BBS9: variants seen among roughly 807,000 people sequenced by gnomAD.
BBS9 encodes Bardet-Biedl syndrome 9.
In BBS9, 89 loss-of-function variants were observed where a neutral mutation model predicts 117.7. The observed-to-expected ratio is 0.76, with a 90% CI of 0.64 to 0.90. The LOEUF (loss-of-function observed/expected upper bound fraction) is 0.90. Among genes scored for constraint, BBS9 ranks in the 40% least tolerant of loss-of-function variants. BBS9 has a pLI of 0.00. For synonymous variants in BBS9, 379 were observed against 370.9 expected, an observed-to-expected ratio of 1.02 and a Z score of -0.25; for missense variants, 982 against 1,042.2, an observed-to-expected ratio of 0.94 and a Z score of 0.80.
intron 9 of BBS9, among the ~76,000 whole-genome samples, chr7:33,280,258 G>A (rs181525816): frequency 1.3e-5 from 2 of 152,056 alleles, no homozygotes; most frequent in Non-Finnish European, 2.9e-5. Context: ...GAGGTTTGGG[G>A]TACAGATTCT....
intron 5 of BBS9, among the ~76,000 whole-genome samples, chr7:33,247,355 CT>C (rs1795504885): frequency 6.6e-6 from 1 of 152,124 alleles, no homozygotes; most frequent in Admixed American, 6.6e-5. Context: ...TCCCAGGGGT[CT>C]GGGATAAGGA....
At chr7:33,245,209 G>A (rs1319397265) in intron 5 of BBS9, among the ~76,000 whole-genome samples, 1 of 151,018 alleles carries the variant, frequency 6.6e-6, no homozygotes, top group Non-Finnish European at 1.5e-5. Context: ...TATTTTCCTT[G>A]TAGAGTTCTC....
chr7:33,171,262 A>G (rs1796523790), intron 4 of BBS9, among the ~76,000 whole-genome samples: 1 of 152,034 alleles, frequency 6.6e-6, no homozygotes, highest in South Asian at 2.1e-4. Context: ...AGAGATATAG[A>G]TCAATGGAAC....
intron 4 of BBS9, among the ~76,000 whole-genome samples, chr7:33,163,200 A>T (rs1795136939): frequency 6.6e-6 from 1 of 151,930 alleles, no homozygotes; most frequent in African/African-American, 2.4e-5. Flanking sequence ...TGGTGGATAA[A>T]CTTTTTGATG....
chr7:33,624,880 C>T (rs1330142856), intron 21 of BBS9, among the ~76,000 whole-genome samples: 1 of 152,144 alleles, frequency 6.6e-6, no homozygotes, highest in African/African-American at 2.4e-5. Flanking sequence ...GCTGAAGGCA[C>T]ATCTGGTCTG....
At chr7:33,358,350 TATAA>T (rs1351866456) in intron 16 of BBS9, among the ~76,000 whole-genome samples, 1 of 151,874 alleles carries the variant, frequency 6.6e-6, no homozygotes, top group South Asian at 2.1e-4. Flanking sequence ...CTTCTAAGTG[TATAA>T]ATATTTATTA....
chr7:33,316,198 A>G (rs939824684), intron 9 of BBS9, among the ~76,000 whole-genome samples: 1 of 152,190 alleles, frequency 6.6e-6, no homozygotes, highest in African/African-American at 2.4e-5. Flanking sequence ...AACTTTATGT[A>G]AGTGGGATCA....
intron 5 of BBS9, among the ~76,000 whole-genome samples, chr7:33,218,120 G>C (rs1468303446): frequency 6.6e-6 from 1 of 152,098 alleles, no homozygotes; most frequent in Admixed American, 6.5e-5. Context: ...GGATATATTG[G>C]TACAGATTAA....
chr7:33,420,530 G>A (rs897746060), intron 19 of BBS9, among the ~76,000 whole-genome samples: 1 of 152,156 alleles, frequency 6.6e-6, no homozygotes, highest in Non-Finnish European at 1.5e-5. Context: ...AGGAATCCAT[G>A]CTGAAGCCAT....
chr7:33,373,162 C>T (rs1347328369), intron 17 of BBS9, among the ~76,000 whole-genome samples: 1 of 151,980 alleles, frequency 6.6e-6, no homozygotes, highest in Non-Finnish European at 1.5e-5. Flanking sequence ...CTCTCTTTCT[C>T]TCTCCCTCTC....
Position 33,255,305 on chromosome 7 carries a change from C to G in BBS9, c.443-1931C>G, listed in dbSNP as rs774870977. 4.8e-4 allele frequency among the ~76,000 whole-genome samples: 71 copies of G among 148,656 alleles called. 1 individual carries two copies. Among genetic ancestry groups the G allele is most frequent in the Admixed American group, 2.5e-3 (38 of 14,966 alleles). On this transcript the variant is annotated intron_variant, in intron 5 of 22. Coordinates refer to ENST00000242067, the MANE Select transcript of BBS9 (RefSeq NM_198428.3). ...CAGATCTTTGGTTTAAATCTTTAATCTACTTTGAGTGGATTTTGGTTGTAT... is the reference window on the plus strand; with the variant it reads ...CAGATCTTTGGTTTAAATCTTTAATGTACTTTGAGTGGATTTTGGTTGTAT...
intron 4 of BBS9, among the ~76,000 whole-genome samples, chr7:33,161,879 G>A (rs1026984716): frequency 1.3e-5 from 2 of 152,172 alleles, no homozygotes; most frequent in African/African-American, 4.8e-5. Context: ...CAGTGATGAT[G>A]AGCATTTTTT....
intron 19 of BBS9, among the ~76,000 whole-genome samples, chr7:33,393,057 T>G (rs1027627864): frequency 1.3e-5 from 2 of 152,086 alleles, no homozygotes; most frequent in African/African-American, 4.8e-5. Flanking sequence ...CCTCAGCTAC[T>G]CAGGAGGCTG....
intron 21 of BBS9, among the ~76,000 whole-genome samples, chr7:33,574,595 C>T (rs1858393406): frequency 6.6e-6 from 1 of 150,868 alleles, no homozygotes; most frequent in Non-Finnish European, 1.5e-5. Flanking sequence ...GGTACCAGAG[C>T]CAGAGATCCC....
chr7:33,322,828 T>C (rs1812023902), intron 9 of BBS9, among the ~76,000 whole-genome samples: 1 of 152,144 alleles, frequency 6.6e-6, no homozygotes, highest in South Asian at 2.1e-4. Flanking sequence ...CATCATTAGG[T>C]TGTTTATTTG....
chr7:33,215,669 C>T (rs1788915376), intron 5 of BBS9, among the ~76,000 whole-genome samples: 1 of 152,054 alleles, frequency 6.6e-6, no homozygotes, highest in Admixed American at 6.6e-5. Flanking sequence ...GAATATTATT[C>T]AGCCATAAAA....
chr7:33,427,478 CA>C (rs1833817202), intron 19 of BBS9, among the ~76,000 whole-genome samples: 1 of 152,176 alleles, frequency 6.6e-6, no homozygotes, highest in Non-Finnish European at 1.5e-5. Flanking sequence ...CAATTAATCT[CA>C]GTTCCTATAG....
chr7:33,489,137 C>T (rs370694701), intron 19 of BBS9, among the ~76,000 whole-genome samples: 14 of 151,668 alleles, frequency 9.2e-5, no homozygotes, highest in Admixed American at 3.9e-4. Context: ...GGATTATAGG[C>T]GTGCACCACC....
chr7:33,383,744 AT>A lies in BBS9; in HGVS notation c.1872del (p.Phe624LeufsTer25), dbSNP rs1302171532. On this transcript the variant is annotated frameshift_variant, in exon 18 of 23. Transcript: ENST00000242067. LOFTEE classifies it high-confidence loss of function. ...TNELILRLQE[Y>X]FEKQGVKDFA... Reference sequence around the variant, plus strand: ...GAGCTTATTCTTCGCCTTCAAGAATATTTTGAAAAACAGGGAGTCAAAGATT... The same window carrying A: ...GAGCTTATTCTTCGCCTTCAAGAATATTTGAAAAACAGGGAGTCAAAGATT... 1.2e-6 allele frequency: 2 copies of A among 1,612,942 alleles called. No individual in the cohort carries two copies. Among genetic ancestry groups the A allele is most frequent in the Non-Finnish European group, 1.7e-6 (2 of 1,179,562 alleles).
Sources: allele counts gnomAD v4.1 joint callset (sites outside exome capture counted in the v4.1 genomes callset), GRCh38; gene constraint gnomAD v4.1.1; transcripts MANE v1.5; gene names NCBI Gene and HGNC (gene_info 2026-07-23, HGNC 2026-07-21).